TMEM131: variants seen among roughly 807,000 people sequenced by gnomAD.
The protein encoded by TMEM131 is 2610524E03Rik.
TMEM131 carries 66 observed loss-of-function variants against 211.6 expected under a neutral mutation model. The observed-to-expected ratio is 0.31, with a 90% CI of 0.26 to 0.38. TMEM131 has a LOEUF of 0.38. TMEM131 is among the 10% of genes least tolerant of loss of function. TMEM131 has a pLI of 1.00. For missense variants in TMEM131, 2,036 were observed against 2,299.3 expected (o/e 0.89, Z 2.34); for synonymous variants, 844 against 841.3 (o/e 1.00, Z -0.06).
At chr2:97,936,611 T>C (rs1677457878) in intron 1 of TMEM131, among the ~76,000 whole-genome samples, 1 of 152,208 alleles carries the variant, frequency 6.6e-6, no homozygotes, top group Non-Finnish European at 1.5e-5. Flanking sequence ...TCAGTAGCCA[T>C]GCACCACAAA....
chr2:97,976,803 A>AT (rs1679555034), intron 1 of TMEM131, among the ~76,000 whole-genome samples: 2 of 152,186 alleles, frequency 1.3e-5, no homozygotes, highest in South Asian at 4.1e-4. Flanking sequence ...AGAAAAATAG[A>AT]TTAACAGAAC....
chr2:97,840,461 A>G (rs1683144629), intron 7 of TMEM131, among the ~76,000 whole-genome samples: 1 of 152,220 alleles, frequency 6.6e-6, no homozygotes, highest in Non-Finnish European at 1.5e-5. Flanking sequence ...ACAGTGGCAC[A>G]TGCCTGTCAT....
chr2:97,867,603 G>C (rs1300881567), intron 4 of TMEM131, among the ~76,000 whole-genome samples: 2 of 152,186 alleles, frequency 1.3e-5, no homozygotes. Context: ...CTACTAGTGA[G>C]GTGAGCAAGA....
chr2:97,806,144 TTTTAAAAGAAAGTCTC>T (rs1175948370), intron 19 of TMEM131, among the ~76,000 whole-genome samples: 1 of 152,252 alleles, frequency 6.6e-6, no homozygotes, highest in African/African-American at 2.4e-5. Context: ...TCACAATTTT[TTTTAAAAGAAAGTCTC>T]TTCATTAGGA....
chr2:97,846,633 A>G (rs1284870019), intron 5 of TMEM131, among the ~76,000 whole-genome samples: 1 of 152,092 alleles, frequency 6.6e-6, no homozygotes, highest in East Asian at 1.9e-4. Flanking sequence ...ATTGGGCCCA[A>G]CACAAATTTG....
chr2:97,762,405 G>C (rs1388652026), intron 35 of TMEM131: 2 of 510,882 alleles, frequency 3.9e-6, no homozygotes, highest in Non-Finnish European at 6.9e-6. Flanking sequence ...AGGGGAGCAA[G>C]AGCGTGCCCG....
chr2:97,982,979 T>C (rs1679861844), intron 1 of TMEM131, among the ~76,000 whole-genome samples: 2 of 152,190 alleles, frequency 1.3e-5, no homozygotes, highest in Admixed American at 6.5e-5. Flanking sequence ...AACTGAAGCC[T>C]GTTAGTAATA....
chr2:97,900,307 TTG>T (rs1299567600), intron 3 of TMEM131, among the ~76,000 whole-genome samples: 2 of 152,112 alleles, frequency 1.3e-5, no homozygotes, highest in African/African-American at 4.8e-5. Context: ...AACTGAAATT[TTG>T]TGTCTTTTGA....
intron 1 of TMEM131, among the ~76,000 whole-genome samples, chr2:97,991,709 T>A (rs1004472170): frequency 6.6e-6 from 1 of 152,134 alleles, no homozygotes; most frequent in Admixed American, 6.5e-5. Context: ...AATTCAGCTG[T>A]AGGAAAAGGG....
At chr2:97,898,203 T>A (rs1452117493) in intron 3 of TMEM131, among the ~76,000 whole-genome samples, 1 of 152,156 alleles carries the variant, frequency 6.6e-6, no homozygotes, top group African/African-American at 2.4e-5. Flanking sequence ...AAGCTGATGC[T>A]CTATGTCTTA....
At chr2:97,862,579 T>C (rs1573474446) in intron 4 of TMEM131, among the ~76,000 whole-genome samples, 1 of 151,930 alleles carries the variant, frequency 6.6e-6, no homozygotes, top group South Asian at 2.1e-4. Flanking sequence ...AGTTGAAAAA[T>C]GCAACTGACA....
At chr2:97,809,918 T>G in intron 18 of TMEM131, 144 bp from the exon 19 acceptor site, 1 of 621,538 alleles carries the variant, frequency 1.6e-6, no homozygotes, top group Non-Finnish European at 2.9e-6. Flanking sequence ...AAATCACCCA[T>G]AGATACTGTT....
At chr2:97,764,879 A>G (rs1679078184) in intron 35 of TMEM131, 1 of 152,230 alleles carries the variant, frequency 6.6e-6, no homozygotes, top group African/African-American at 2.4e-5. Flanking sequence ...CTCTCCCGGC[A>G]GCATGGTTCT....
chr2:97,878,344 T>C (rs1191411532), intron 4 of TMEM131, among the ~76,000 whole-genome samples: 1 of 152,214 alleles, frequency 6.6e-6, no homozygotes, highest in African/African-American at 2.4e-5. Flanking sequence ...GCAATCTCAT[T>C]ACTGGGTATA....
At chr2:97,803,763 C>T (rs1482152804) in intron 22 of TMEM131, among the ~76,000 whole-genome samples, 1 of 152,134 alleles carries the variant, frequency 6.6e-6, no homozygotes, top group African/African-American at 2.4e-5. Flanking sequence ...GAGAGGAGGG[C>T]AGGCTTTTTG....
chr2:97,888,762 A>G (rs1221319389), intron 3 of TMEM131, among the ~76,000 whole-genome samples: 1 of 152,090 alleles, frequency 6.6e-6, no homozygotes, highest in African/African-American at 2.4e-5. Context: ...ATAAAACATA[A>G]ATGACTTTTG....
At chr2:97,972,911 G>T (rs1679369738) in intron 1 of TMEM131, among the ~76,000 whole-genome samples, 1 of 152,098 alleles carries the variant, frequency 6.6e-6, no homozygotes, top group South Asian at 2.1e-4. Flanking sequence ...TTCTCCCCTA[G>T]GGCCTTCAGA....
chr2:97,961,689 T>C (rs1315154933), intron 1 of TMEM131, among the ~76,000 whole-genome samples: 1 of 152,076 alleles, frequency 6.6e-6, no homozygotes, highest in Non-Finnish European at 1.5e-5. Context: ...GATATGTAAA[T>C]CAACAGAACA....
intron 33 of TMEM131, among the ~76,000 whole-genome samples, chr2:97,767,717 C>G (rs559025287): frequency 6.6e-6 from 1 of 152,150 alleles, no homozygotes. Flanking sequence ...GATGCATCGC[C>G]GGCATTTTCC....
Sources: allele counts gnomAD v4.1 joint callset (sites outside exome capture counted in the v4.1 genomes callset), GRCh38; gene constraint gnomAD v4.1.1; transcripts MANE v1.5; gene names NCBI Gene and HGNC (gene_info 2026-07-23, HGNC 2026-07-21).